The following EYS variants were observed in gnomAD, a reference collection of about 807,000 sequenced individuals.
The protein encoded by EYS is protein eyes shut homolog.
A neutral mutation model predicts 282.1 loss-of-function variants in EYS; 250 were observed. That is an observed-to-expected ratio of 0.89 (90% confidence interval 0.80 to 0.98). The LOEUF (loss-of-function observed/expected upper bound fraction) is 0.98, where lower values mean the gene tolerates loss of function less well. Among genes scored for constraint, EYS ranks in the 50% least tolerant of loss-of-function variants. The pLI, the probability that EYS is intolerant of heterozygous loss-of-function variation, is 0.00. For missense variants in EYS, 4,016 were observed against 3,709.0 expected (o/e 1.08, Z -2.15); for synonymous variants, 1,355 against 1,282.9 (o/e 1.06, Z -1.20).
intron 12 of EYS, among the ~76,000 whole-genome samples, chr6:65,175,974 A>T (rs914501230): frequency 2.0e-5 from 3 of 151,460 alleles, no homozygotes; most frequent in African/African-American, 4.8e-5. Flanking sequence ...CATATATTTC[A>T]TATATGCTTT....
intron 12 of EYS, among the ~76,000 whole-genome samples, chr6:65,274,466 T>A (rs1244534557): frequency 2.0e-5 from 3 of 152,186 alleles, no homozygotes; most frequent in African/African-American, 7.2e-5. Context: ...AATTAGCACA[T>A]CTCCTTGTCC....
At chr6:63,982,547 T>C (rs954393335) in intron 35 of EYS, among the ~76,000 whole-genome samples, 4 of 151,878 alleles carry the variant, frequency 2.6e-5, no homozygotes, top group Non-Finnish European at 5.9e-5. Flanking sequence ...TGTCTTTTCA[T>C]GTGGGTCTTC....
chr6:65,405,244 C>A lies in EYS; in HGVS notation c.986G>T (p.Gly329Val). ...ECPKGSSSQN[G>V]ETDVSEFSLV... is the part of the protein sequence containing the mutation. The stretch of plus-strand genomic sequence containing the variant: ...TGAAAACTCACTGACATCAGTTTCA[C>A]CATTTTGGCTGGAAGATCCTTTTGG... The change falls in exon 6 of 43, where the codon GGT becomes GTT. Residue 329 changes from glycine (G) to valine (V), a missense_variant. Transcript: ENST00000503581. 1 of 1,613,258 alleles carries A rather than the reference C, an allele frequency of 6.2e-7. No individual in the cohort carries two copies. The highest frequency in any genetic ancestry group is 8.5e-7 in the Non-Finnish European group (1 of 1,179,550).
rs148832663 is a variant in EYS, at chr6:65,141,831, T to A, written c.2024-84104A>T. On this transcript the variant is annotated intron_variant, in intron 12 of 42. Coordinates refer to ENST00000503581, the MANE Select transcript of EYS (RefSeq NM_001142800.2). Reference sequence around the variant, plus strand: ...AACATTTTCTTTACCCCAAATTCTATGGTCAGCAATCCTATCTTTCAGAAA... The same window carrying A: ...AACATTTTCTTTACCCCAAATTCTAAGGTCAGCAATCCTATCTTTCAGAAA... 4.1e-4 allele frequency among the ~76,000 whole-genome samples: 62 copies of A among 152,174 alleles called. No homozygotes were observed. The East Asian group carries it at 8.3e-3, about 20-fold the overall frequency.
At position 64,595,495 on chromosome 6, in the gene EYS, C is replaced by T. The variant is rs758074346; in HGVS notation, c.3685-2186G>A. 2.5e-4 allele frequency among the ~76,000 whole-genome samples: 38 copies of T among 152,110 alleles called. 1 individual carries two copies. The highest frequency in any genetic ancestry group is 1.4e-3 in the Admixed American group (21 of 15,260). On this transcript the variant is annotated intron_variant, in intron 24 of 42. Coordinates refer to ENST00000503581, the MANE Select transcript of EYS (RefSeq NM_001142800.2). ...TAAAATTAGAAAAAAGGAAGTCAAA[C>T]TGACCCTCTTTGCAGAAGACATAAT...
At chr6:63,747,525 T>C (rs2149646326) in intron 41 of EYS, among the ~76,000 whole-genome samples, 1 of 152,338 alleles carries the variant, frequency 6.6e-6, no homozygotes, top group Non-Finnish European at 1.5e-5. Context: ...CTTGTTGATC[T>C]GTCTAATATT....
intron 5 of EYS, among the ~76,000 whole-genome samples, chr6:65,440,933 CAG>C (rs1397400434): frequency 2.1e-5 from 3 of 145,690 alleles, no homozygotes; most frequent in Non-Finnish European, 3.0e-5. Context: ...ATATAAAAAA[CAG>C]TGTCTGTATA....
intron 12 of EYS, among the ~76,000 whole-genome samples, chr6:65,137,310 G>A (rs544115194): frequency 4.6e-5 from 7 of 152,148 alleles, no homozygotes; most frequent in Admixed American, 2.6e-4. Flanking sequence ...GAAGCAGTGC[G>A]GAAAGACCAT....
chr6:64,765,940 T>C (rs950141291), intron 22 of EYS, among the ~76,000 whole-genome samples: 15 of 152,156 alleles, frequency 9.9e-5, no homozygotes, highest in African/African-American at 3.6e-4. Context: ...AAATATTTAG[T>C]ACCATACCTT....
At chr6:64,511,711 T>C (rs1562034180) in intron 26 of EYS, among the ~76,000 whole-genome samples, 1 of 152,042 alleles carries the variant, frequency 6.6e-6, no homozygotes, top group Non-Finnish European at 1.5e-5. Context: ...AAGAAAGGCA[T>C]ATACCGTGGA....
intron 12 of EYS, among the ~76,000 whole-genome samples, chr6:65,287,384 C>T (rs1006511667): frequency 1.3e-5 from 2 of 151,500 alleles, no homozygotes; most frequent in African/African-American, 4.8e-5. Flanking sequence ...TATTTTATAA[C>T]ACTTTAATAT....
chr6:65,252,315 T>C (rs1418066552), intron 12 of EYS, among the ~76,000 whole-genome samples: 1 of 151,886 alleles, frequency 6.6e-6, no homozygotes, highest in Admixed American at 6.6e-5. Flanking sequence ...AAAGAAAATA[T>C]AGTAATAGAC....
At chr6:63,728,319 A>G (rs1768693660) in intron 41 of EYS, among the ~76,000 whole-genome samples, 1 of 152,220 alleles carries the variant, frequency 6.6e-6, no homozygotes, top group African/African-American at 2.4e-5. Flanking sequence ...TAAACTATGC[A>G]TAAGTAATTG....
At chr6:63,868,223 T>C (rs1772714969) in intron 35 of EYS, among the ~76,000 whole-genome samples, 1 of 152,156 alleles carries the variant, frequency 6.6e-6, no homozygotes, top group Non-Finnish European at 1.5e-5. Context: ...AACAACTATA[T>C]ATTTTGGAAT....
chr6:65,619,100 G>A (rs1766355337), intron 2 of EYS, among the ~76,000 whole-genome samples: 1 of 151,764 alleles, frequency 6.6e-6, no homozygotes. Context: ...AAAGGCATTG[G>A]TAGATTGATT....
At chr6:64,452,653 A>C (rs942871026) in intron 26 of EYS, among the ~76,000 whole-genome samples, 1 of 152,190 alleles carries the variant, frequency 6.6e-6, no homozygotes, top group African/African-American at 2.4e-5. Context: ...ACTGGTACCA[A>C]AACAGAGATA....
At chr6:64,992,906 A>C (rs1771116109) in intron 14 of EYS, among the ~76,000 whole-genome samples, 1 of 152,034 alleles carries the variant, frequency 6.6e-6, no homozygotes, top group African/African-American at 2.4e-5. Flanking sequence ...CCAACTTGGT[A>C]TACTGAAGGG....
At chr6:63,923,207 C>G (rs1554187735) in intron 35 of EYS, among the ~76,000 whole-genome samples, 1 of 151,932 alleles carries the variant, frequency 6.6e-6, no homozygotes, top group South Asian at 2.1e-4. Flanking sequence ...TTTCATTCCC[C>G]TAGAATAGAA....
intron 26 of EYS, among the ~76,000 whole-genome samples, chr6:64,557,980 T>C (rs1054625757): frequency 6.6e-6 from 1 of 152,012 alleles, no homozygotes; most frequent in African/African-American, 2.4e-5. Flanking sequence ...ATAGGCACCA[T>C]AGGAACATTT....
Sources: gnomAD v4.1 joint callset for allele counts (sites outside exome capture counted in the v4.1 genomes callset) on GRCh38, gnomAD v4.1.1 for gene constraint, MANE v1.5 for transcripts, NCBI Gene and HGNC (gene_info 2026-07-23, HGNC 2026-07-21) for gene names.